The following NAGA variants were observed in gnomAD, a reference collection of about 807,000 sequenced individuals.
The protein encoded by NAGA is alpha-N-acetylgalactosaminidase.
NAGA carries 42 observed loss-of-function variants against 45.6 expected under a neutral mutation model. That is an observed-to-expected ratio of 0.92 (90% confidence interval 0.72 to 1.19). The LOEUF (loss-of-function observed/expected upper bound fraction) is 1.19, where lower values mean the gene tolerates loss of function less well. Ranked by LOEUF, NAGA falls within the 50% of genes most tolerant of loss-of-function variation. NAGA has a pLI of 0.00. For synonymous variants in NAGA, 176 were observed against 203.1 expected, an observed-to-expected ratio of 0.87 and a Z score of 1.13; for missense variants, 493 against 544.8, an observed-to-expected ratio of 0.90 and a Z score of 0.95.
intron 7 of NAGA, among the ~76,000 whole-genome samples, chr22:42,062,486 C>T (rs1926463895): frequency 6.6e-6 from 1 of 152,188 alleles, no homozygotes; most frequent in South Asian, 2.1e-4. Context: ...AGACCAGCTC[C>T]TCCTGCTCTG....
At position 42,059,520 on chromosome 22, in the gene NAGA, T is replaced by C. The variant is rs1403117802; in HGVS notation, c.*759A>G. 1 of 152,426 alleles carries C rather than the reference T, an allele frequency of 6.6e-6. No individual in the cohort carries two copies. The highest frequency in any genetic ancestry group is 1.5e-5 in the Non-Finnish European group (1 of 68,260). The allele number at this position is 152,426 out of a possible 1,614,324, so 9.4% of individuals were successfully genotyped here. ...GCACAAGCTGCAGGACCTGGGAGCA[T>C]TGCTACTTGGCCTCATTGTGTTGTC... On this transcript the variant is annotated 3_prime_UTR_variant, in exon 9 of 9. Transcript: ENST00000396398.
chr22:42,066,021 G>C (rs1926708254), intron 5 of NAGA, 122 bp from the exon 6 acceptor site: 1 of 1,279,334 alleles, frequency 7.8e-7, no homozygotes, highest in Non-Finnish European at 1.1e-6. Context: ...GAAGAGAACA[G>C]GCCCCACCGG....
intron 8 of NAGA, among the ~76,000 whole-genome samples, 165 bp from the exon 9 acceptor site, chr22:42,060,578 C>A (rs1469180213): frequency 6.6e-6 from 1 of 152,150 alleles, no homozygotes. Context: ...CACTTCTCCA[C>A]CAGCAAATCC....
chr22:42,069,650 C>T (rs1476732422), intron 1 of NAGA, among the ~76,000 whole-genome samples: 2 of 150,496 alleles, frequency 1.3e-5, no homozygotes, highest in African/African-American at 2.5e-5. Flanking sequence ...AGTGCGACAA[C>T]GCACATTAGC....
rs1602499763 is a variant in NAGA at position 42,070,453 on chromosome 22, A to C, written c.-156T>G. 6.1e-6 allele frequency: 5 copies of C among 818,712 alleles called. No individual in the cohort carries two copies. Among genetic ancestry groups the C allele is most frequent in the Non-Finnish European group, 8.4e-6 (4 of 473,442 alleles). 50.7% of individuals were successfully genotyped at this position (818,712 alleles called of 1,614,324 possible). ...CCTCAACCTTAGGCGTGGATCGTAC[A>C]CTCGGTCCCCAAGTTGCCCGCCCCA... On this transcript the variant is annotated 5_prime_UTR_variant, in exon 1 of 9. Transcript: ENST00000396398.
rs776865602 is a variant in NAGA at position 42,070,286 on chromosome 22, C to T, written c.12G>A (p.Lys4=). The T allele has an allele frequency of 3.1e-6, 5 of 1,614,148 alleles. No homozygotes were observed. Among genetic ancestry groups the T allele is most frequent in the Non-Finnish European group, 3.4e-6 (4 of 1,180,054 alleles). Residue 4 remains lysine (K), a synonymous_variant, in exon 1 of 9, where the codon AAG becomes AAA. Transcript: ENST00000396398. The part of the protein sequence containing the change: MLL[K]TVLLLGHVAQ... ...CACCCCAGCCGGTGTAGGTACCTGT[C>T]TTCAGCAGCATCGCTCTGGACTCAG...
rs757815084 is a variant in NAGA, at chr22:42,068,544, A to G, written c.47T>C (p.Leu16Pro). 8.1e-6 allele frequency: 13 copies of G among 1,614,056 alleles called. No individual in the cohort carries two copies. Among genetic ancestry groups the G allele is most frequent in the Non-Finnish European group, 9.3e-6 (11 of 1,180,030 alleles). The change falls in exon 2 of 9, where the codon CTG becomes CCG. Residue 16 changes from leucine (L) to proline (P), a missense_variant. Coordinates refer to ENST00000396398, the MANE Select transcript of NAGA (RefSeq NM_000262.3). ...CTGCAGGAGCCCATTGTCCAGCATC[A>G]GCACCTGGGCCACATGTCCCAGCAA... is the stretch of plus-strand genomic sequence containing the variant. ...VLLLGHVAQV[L>P]MLDNGLLQTP... is the part of the protein sequence containing the mutation.
intron 8 of NAGA, among the ~76,000 whole-genome samples, 162 bp from the exon 9 acceptor site, chr22:42,060,575 C>G (rs1926313110): frequency 6.6e-6 from 1 of 152,138 alleles, no homozygotes; most frequent in African/African-American, 2.4e-5. Context: ...CATCACTTCT[C>G]CACCAGCAAA....
chr22:42,067,969 G>T, intron 2 of NAGA, 33 bp from the exon 3 acceptor site: 1 of 1,607,902 alleles, frequency 6.2e-7, no homozygotes, highest in Non-Finnish European at 8.5e-7. Flanking sequence ...GGTAGCTCAG[G>T]GACCCAGCCC....
At chr22:42,069,614 C>A in intron 1 of NAGA, among the ~76,000 whole-genome samples, 1 of 97,952 alleles carries the variant, frequency 1.0e-5, no homozygotes, top group South Asian at 3.7e-4. Context: ...AGTGAGACTC[C>A]GTCTCAAAAA....
chr22:42,060,980 A>G lies in NAGA; in HGVS notation c.1045T>C (p.Tyr349His), dbSNP rs751688904. 3.7e-6 allele frequency: 6 copies of G among 1,614,104 alleles called. No homozygotes were observed. The East Asian group carries it at 6.7e-5, about 18-fold the overall frequency. ...VFFSCRTDMP[Y>H]RYHSSLGQLN... ...TGGCCAAGGGAGGAGTGGTAGCGAT[A>G]AGGCATATCGGTCCTGCAGCTGAAG... The change falls in exon 8 of 9, where the codon TAT becomes CAT. Residue 349 changes from tyrosine (Y) to histidine (H), a missense_variant. Physicochemically the swap from Tyr to His is moderately conservative, Grantham distance 83 (BLOSUM62 2). Transcript: ENST00000396398.
At position 42,065,853 on chromosome 22, in the gene NAGA, T is replaced by C. The variant is rs1926693518; in HGVS notation, c.644A>G (p.Tyr215Cys). 1 of 1,614,034 alleles carries C rather than the reference T, an allele frequency of 6.2e-7. No individual in the cohort carries two copies. Among genetic ancestry groups the C allele is most frequent in the Admixed American group, 1.7e-5 (1 of 60,002 alleles). ...LADICNLWRNYDDIQDSWWSV... is the reference protein window; with the variant it reads ...LADICNLWRNCDDIQDSWWSV... The stretch of plus-strand genomic sequence containing the variant: ...CCACCAGGAGTCCTGGATGTCATCA[T>C]AGTTACGCCAGAGGTTGCAGATGTC... The change falls in exon 6 of 9, where the codon TAT becomes TGT. Residue 215 changes from tyrosine (Y) to cysteine (C), a missense_variant. Physicochemically the swap from Tyr to Cys is radical, Grantham distance 194. Coordinates refer to ENST00000396398, the MANE Select transcript of NAGA (RefSeq NM_000262.3).
At chr22:42,067,472 C>G (rs187529059) in intron 3 of NAGA, among the ~76,000 whole-genome samples, 182 bp from the exon 4 acceptor site, 1 of 152,320 alleles carries the variant, frequency 6.6e-6, no homozygotes, top group Admixed American at 6.5e-5. Context: ...CACCTCCCAG[C>G]GGCTGTTTCT....
Position 42,062,982 on chromosome 22 carries a change from C to T in NAGA, c.802G>A (p.Ala268Thr), listed in dbSNP as rs1569457519. The T allele has an allele frequency of 6.2e-7, 1 of 1,614,072 alleles. No homozygotes were observed. Among genetic ancestry groups the T allele is most frequent in the Admixed American group, 1.7e-5 (1 of 60,010 alleles). ...NFGLSLEQSR[A>T]QMALWTVLAA... ...AGCACCGTCCACAGGGCCATCTGGG[C>T]CCGGGATTGCTCTAAGCTGAGACCA... Residue 268 changes from alanine to threonine, a missense_variant, in exon 7 of 9, where the codon GCC becomes ACC. Physicochemically the swap from Ala to Thr is moderately conservative, Grantham distance 58 (BLOSUM62 0). Transcript: ENST00000396398.
intron 6 of NAGA, among the ~76,000 whole-genome samples, chr22:42,064,385 A>G (rs1462909959): frequency 1.3e-5 from 2 of 150,750 alleles, no homozygotes; most frequent in Non-Finnish European, 3.0e-5. Context: ...TCACACCTGT[A>G]ATCCCAGCAC....
Position 42,070,591 on chromosome 22 carries a change from G to A in NAGA, c.-294C>T. ...AGTGCTGGGAGTCCCGAGGGCCTAC[G>A]GGCCGCCTTCGGCCCCGCCCGGGCT... On this transcript the variant is annotated 5_prime_UTR_variant, in exon 1 of 9. Coordinates refer to ENST00000396398, the MANE Select transcript of NAGA (RefSeq NM_000262.3). 1 of 550,104 alleles carries A rather than the reference G, an allele frequency of 1.8e-6. No homozygotes were observed. Among genetic ancestry groups the A allele is most frequent in the Non-Finnish European group, 3.3e-6 (1 of 305,294 alleles). 34.1% of individuals were successfully genotyped at this position (550,104 alleles called of 1,614,324 possible). A position where few individuals can be genotyped will look rare whatever the true frequency, so the allele number is the denominator to read the frequency against.
At chr22:42,070,196 C>T in intron 1 of NAGA, 86 bp downstream of exon 1, 1 of 1,451,954 alleles carries the variant, frequency 6.9e-7, no homozygotes, top group Admixed American at 1.7e-5. Context: ...TGTCTCTCCA[C>T]ATACCCACAT....
chr22:42,070,438 A>G lies in NAGA; in HGVS notation c.-141T>C. On this transcript the variant is annotated 5_prime_UTR_variant, in exon 1 of 9. The change abolishes the stop of an existing upstream ORF in the 5' untranslated region. Coordinates refer to ENST00000396398, the MANE Select transcript of NAGA (RefSeq NM_000262.3). Reference sequence around the variant, plus strand: ...GGCTAGCTCGGCCGCCCTCAACCTTAGGCGTGGATCGTACACTCGGTCCCC... The same window carrying G: ...GGCTAGCTCGGCCGCCCTCAACCTTGGGCGTGGATCGTACACTCGGTCCCC... 3.1e-6 allele frequency: 3 copies of G among 957,262 alleles called. No individual in the cohort carries two copies. The highest frequency in any genetic ancestry group is 5.1e-6 in the Non-Finnish European group (3 of 590,524). 59.3% of individuals were successfully genotyped at this position (957,262 alleles called of 1,614,324 possible). A position where few individuals can be genotyped will look rare whatever the true frequency, so the allele number is the denominator to read the frequency against.
intron 1 of NAGA, among the ~76,000 whole-genome samples, chr22:42,069,169 TGCAGTGA>T (rs1926912487): frequency 6.6e-6 from 1 of 152,198 alleles, no homozygotes; most frequent in African/African-American, 2.4e-5. Context: ...AGGCGGAGGC[TGCAGTGA>T]GCTGAGATCG....
Sources: gnomAD v4.1 joint callset for allele counts (sites outside exome capture counted in the v4.1 genomes callset) on GRCh38, gnomAD v4.1.1 for gene constraint, MANE v1.5 for transcripts, NCBI Gene and HGNC (gene_info 2026-07-23, HGNC 2026-07-21) for gene names.